Variants in STRADB observed in about 807,000 individuals in gnomAD.
The protein encoded by STRADB is STE20 related adaptor beta, also known as STE20-related kinase adapter protein beta.
STRADB carries 34 observed loss-of-function variants against 52.1 expected under a neutral mutation model. The ratio of observed to expected loss-of-function variants is 0.65; its 90% CI spans 0.50 to 0.87. The LOEUF (loss-of-function observed/expected upper bound fraction) is 0.87, where lower values mean the gene tolerates loss of function less well. Among genes scored for constraint, STRADB ranks in the 40% least tolerant of loss-of-function variants. STRADB has a pLI of 0.00. For synonymous variants in STRADB, 133 were observed against 174.5 expected (o/e 0.76, Z 1.87); for missense variants, 340 against 483.9 (o/e 0.70, Z 2.79).
chr2:201,477,562 T>G, intron 7 of STRADB, 57 bp from the exon 8 acceptor site: 1 of 1,522,458 alleles, frequency 6.6e-7, no homozygotes, highest in East Asian at 2.3e-5. Flanking sequence ...GCCAGATTTT[T>G]ATTCTTTCTT....
chr2:201,460,305 A>C (rs1952193742), intron 3 of STRADB, among the ~76,000 whole-genome samples: 2 of 152,206 alleles, frequency 1.3e-5, no homozygotes, highest in Admixed American at 1.3e-4. Context: ...ATTTTGATAC[A>C]GACATATGAT....
intron 9 of STRADB, 54 bp from the exon 10 acceptor site, chr2:201,478,303 A>G: frequency 6.2e-7 from 1 of 1,602,816 alleles, no homozygotes; most frequent in East Asian, 2.2e-5. Flanking sequence ...TATTGTTGTT[A>G]CTGTTTTAAT....
intron 3 of STRADB, among the ~76,000 whole-genome samples, chr2:201,465,391 C>G (rs1952285306): frequency 6.6e-6 from 1 of 152,124 alleles, no homozygotes; most frequent in South Asian, 2.1e-4. Context: ...GAAATGTTGT[C>G]CAGGAGCTAG....
chr2:201,479,453 A>G, intron 10 of STRADB, 36 bp from the exon 11 acceptor site: 1 of 1,440,170 alleles, frequency 6.9e-7, no homozygotes, highest in South Asian at 1.3e-5. Context: ...TTCTAATATA[A>G]AGGTTTTTTT....
At chr2:201,452,846 T>C (rs1952068207) in intron 1 of STRADB, among the ~76,000 whole-genome samples, 1 of 152,222 alleles carries the variant, frequency 6.6e-6, no homozygotes, top group Non-Finnish European at 1.5e-5. Flanking sequence ...CATTCTATTA[T>C]GGAACAAACT....
intron 10 of STRADB, among the ~76,000 whole-genome samples, chr2:201,478,850 G>C (rs1952523845): frequency 6.6e-6 from 1 of 152,008 alleles, no homozygotes; most frequent in Non-Finnish European, 1.5e-5. Context: ...GAGGCGGGTG[G>C]ATTGCCTGAG....
intron 4 of STRADB, among the ~76,000 whole-genome samples, chr2:201,472,211 TTAAGCA>T (rs1952400973): frequency 6.6e-6 from 1 of 152,208 alleles, no homozygotes; most frequent in Non-Finnish European, 1.5e-5. Context: ...TCTTATAACG[TTAAGCA>T]TATGTTTATC....
At chr2:201,463,020 A>G (rs868020582) in intron 3 of STRADB, among the ~76,000 whole-genome samples, 11 of 152,290 alleles carry the variant, frequency 7.2e-5, no homozygotes, top group African/African-American at 2.4e-4. Flanking sequence ...TCCATGTTTG[A>G]AGGATATTTT....
intron 5 of STRADB, 28 bp downstream of exon 5, chr2:201,473,104 G>C (rs771890062): frequency 6.3e-7 from 1 of 1,598,348 alleles, no homozygotes; most frequent in South Asian, 1.2e-5. Flanking sequence ...ATGATACACA[G>C]TTGGGCCTCT....
In STRADB at chr2:201,454,743, T is replaced by C. The variant is rs1952102045; in HGVS notation, c.-95-3T>C. The C allele has an allele frequency of 1.7e-6, 2 of 1,195,770 alleles. No individual in the cohort carries two copies. Among genetic ancestry groups the C allele is most frequent in the African/African-American group, 1.5e-5 (1 of 65,032 alleles). The allele number at this position is 1,195,770 out of a possible 1,614,324, so 74.1% of individuals were successfully genotyped here. A position where few individuals can be genotyped will look rare whatever the true frequency, so the allele number is the denominator to read the frequency against. On this transcript the variant is annotated splice_polypyrimidine_tract_variant and splice_region_variant and intron_variant, in intron 1 of 11. Coordinates refer to ENST00000194530, the MANE Select transcript of STRADB (RefSeq NM_018571.6). Reference sequence around the variant, plus strand: ...TAAATTATTTTGCTTTTGTTTTTTATAGTAGGATATATCTGCATCTTGAAA... The same window carrying C: ...TAAATTATTTTGCTTTTGTTTTTTACAGTAGGATATATCTGCATCTTGAAA...
chr2:201,467,850 G>A (rs1471080300), intron 3 of STRADB, among the ~76,000 whole-genome samples: 1 of 151,906 alleles, frequency 6.6e-6, no homozygotes, highest in Non-Finnish European at 1.5e-5. Context: ...GCTCAATTTT[G>A]CTTCTGTAAA....
At chr2:201,468,485 T>C (rs537230514) in intron 3 of STRADB, among the ~76,000 whole-genome samples, 1 of 152,180 alleles carries the variant, frequency 6.6e-6, no homozygotes, top group Non-Finnish European at 1.5e-5. Flanking sequence ...TCATCTGAGT[T>C]CTATCATAGT....
At chr2:201,454,932 AT>A (rs2125670445) in intron 2 of STRADB, 80 bp downstream of exon 2, 2 of 1,277,522 alleles carry the variant, frequency 1.6e-6, no homozygotes, top group East Asian at 4.7e-5. Context: ...TAAAAGGCAT[AT>A]TCTGATGGGA....
At chr2:201,457,663 A>T (rs982073244) in intron 2 of STRADB, among the ~76,000 whole-genome samples, 2 of 152,236 alleles carry the variant, frequency 1.3e-5, no homozygotes. Context: ...ATAGGTAGAC[A>T]TATCTTAAGA....
chr2:201,480,636 G>A lies in STRADB; in HGVS notation c.*461G>A. The A allele has an allele frequency of 1.0e-6, 1 of 988,538 alleles. No individual in the cohort carries two copies. The highest frequency in any genetic ancestry group is 1.2e-6 in the Non-Finnish European group (1 of 831,624). The allele number at this position is 988,538 out of a possible 1,614,324, so 61.2% of individuals were successfully genotyped here. On this transcript the variant is annotated 3_prime_UTR_variant, in exon 12 of 12. Coordinates refer to ENST00000194530, the MANE Select transcript of STRADB (RefSeq NM_018571.6). The stretch of plus-strand genomic sequence containing the variant: ...GACCCTTTTCTGGTAGAGGGAAAAT[G>A]TTTGTGCTTTCCCTTTTTCTTCTGT...
chr2:201,477,721 G>C lies in STRADB; in HGVS notation c.651G>C (p.Arg217Ser). Reference sequence around the variant, plus strand: ...TGGTTAAGCATGGACAGAGGCATAGGGCTGTGTATGATTTCCCACAGTTCA... The same window carrying C: ...TGGTTAAGCATGGACAGAGGCATAGCGCTGTGTATGATTTCCCACAGTTCA... ...HSLVKHGQRH[R>S]AVYDFPQFST... Residue 217 changes from arginine (R) to serine (S), a missense_variant, in exon 8 of 12, where the codon AGG becomes AGC. By Grantham distance (110) the Arg-to-Ser change is moderately radical (BLOSUM62 -1). Coordinates refer to ENST00000194530, the MANE Select transcript of STRADB (RefSeq NM_018571.6). The C allele has an allele frequency of 1.2e-6, 2 of 1,613,740 alleles. No individual in the cohort carries two copies. The highest frequency in any genetic ancestry group is 1.7e-6 in the Non-Finnish European group (2 of 1,179,668).
intron 4 of STRADB, among the ~76,000 whole-genome samples, chr2:201,471,365 G>A (rs1952385287): frequency 6.6e-6 from 1 of 152,076 alleles, no homozygotes; most frequent in African/African-American, 2.4e-5. Context: ...TCATGTGGTT[G>A]GATTTAGAAT....
chr2:201,455,440 G>A (rs936160705), intron 2 of STRADB, among the ~76,000 whole-genome samples: 10 of 152,272 alleles, frequency 6.6e-5, no homozygotes, highest in South Asian at 6.2e-4. Flanking sequence ...TAGACCACGT[G>A]TAGTGGCTCA....
chr2:201,460,771 G>A (rs941921555), intron 3 of STRADB: 1 of 365,858 alleles, frequency 2.7e-6, no homozygotes, highest in African/African-American at 2.1e-5. Flanking sequence ...TCTGTTGATA[G>A]ACACTTAAGT....
Sources: gnomAD v4.1 joint callset for allele counts (sites outside exome capture counted in the v4.1 genomes callset) on GRCh38, gnomAD v4.1.1 for gene constraint, MANE v1.5 for transcripts, NCBI Gene and HGNC (gene_info 2026-07-23, HGNC 2026-07-21) for gene names.